The following STK10 variants were observed in gnomAD, a reference collection of about 807,000 sequenced individuals.
STK10 encodes serine/threonine kinase 10.
A neutral mutation model predicts 113.8 loss-of-function variants in STK10; 78 were observed. That is an observed-to-expected ratio of 0.69 (90% CI 0.57 to 0.83). The LOEUF (loss-of-function observed/expected upper bound fraction) is 0.83, where lower values mean the gene tolerates loss of function less well. Among genes scored for constraint, STK10 ranks in the 40% least tolerant of loss-of-function variants. STK10 has a pLI of 0.00. For synonymous variants in STK10, 465 were observed against 494.7 expected, an observed-to-expected ratio of 0.94 and a Z score of 0.80; for missense variants, 1,109 against 1,280.1, an observed-to-expected ratio of 0.87 and a Z score of 2.04.
chr5:172,057,186 C>T (rs1767824796), intron 15 of STK10, 163 bp downstream of exon 15: 8 of 987,236 alleles, frequency 8.1e-6, no homozygotes, highest in Admixed American at 4.9e-5. Flanking sequence ...CAGGACGCCC[C>T]TGGAGAACCT....
Position 172,133,414 on chromosome 5 carries a change from G to A in STK10, c.322-5993C>T, listed in dbSNP as rs930252394. On this transcript the variant is annotated intron_variant, in intron 2 of 18. Coordinates refer to ENST00000176763, the MANE Select transcript of STK10 (RefSeq NM_005990.4). This position sits in a 1 kb window ranked among gnomAD's most constrained non-coding sequence, Gnocchi z 4.9. ...ATACACCATGTCTTCCTTCCCCTTTGTGAAATAGCCATGAGAACTGGGTAG... is the reference window on the plus strand; with the variant it reads ...ATACACCATGTCTTCCTTCCCCTTTATGAAATAGCCATGAGAACTGGGTAG... Among the ~76,000 whole-genome samples the A allele has an allele frequency of 6.6e-6, 1 of 152,152 alleles. No individual in the cohort carries two copies. The highest frequency in any genetic ancestry group is 1.5e-5 in the Non-Finnish European group (1 of 68,032).
intron 1 of STK10, among the ~76,000 whole-genome samples, chr5:172,177,671 T>C (rs1278941336): frequency 6.6e-6 from 1 of 152,256 alleles, no homozygotes; most frequent in Admixed American, 6.5e-5. Context: ...TATTACATGC[T>C]GAAGTGATAA....
Position 172,082,696 on chromosome 5 carries a change from G to A in STK10, c.1810-191C>T, listed in dbSNP as rs917285074. Among the ~76,000 whole-genome samples, 6 of 152,214 alleles carry A rather than the reference G, an allele frequency of 3.9e-5. No individual in the cohort carries two copies. Among genetic ancestry groups the A allele is most frequent in the African/African-American group, 1.2e-4 (5 of 41,504 alleles). ...GTCTCCATTTCCTCATCTGCAAAAG[G>A]GAGACCAGACCATGTGTTGTTGCAC... On this transcript the variant is annotated intron_variant, in intron 11 of 18. Transcript: ENST00000176763. The surrounding 1 kb of genome is among the most constrained non-coding windows in gnomAD (Gnocchi z 4.3).
intron 13 of STK10, among the ~76,000 whole-genome samples, chr5:172,062,851 G>A (rs749675629): frequency 6.6e-6 from 1 of 152,190 alleles, no homozygotes; most frequent in Admixed American, 6.5e-5. Flanking sequence ...TAGGCTTAAC[G>A]CCACTACACT....
chr5:172,170,762 C>T (rs1249833786), intron 1 of STK10, among the ~76,000 whole-genome samples: 1 of 152,228 alleles, frequency 6.6e-6, no homozygotes, highest in Non-Finnish European at 1.5e-5. Flanking sequence ...CTCTCCAAAA[C>T]CAATGGGGAA....
intron 18 of STK10, among the ~76,000 whole-genome samples, chr5:172,048,329 C>A (rs965955047): frequency 2.0e-5 from 3 of 151,596 alleles, no homozygotes; most frequent in African/African-American, 4.9e-5. Flanking sequence ...GCTGACCTGT[C>A]CTGCAGATTT....
intron 2 of STK10, among the ~76,000 whole-genome samples, chr5:172,146,477 C>G (rs1313491809): frequency 6.6e-6 from 1 of 152,218 alleles, no homozygotes; most frequent in Non-Finnish European, 1.5e-5. Flanking sequence ...AGCCCCACAG[C>G]CCCCTCTACC....
At chr5:172,139,619 A>C (rs530524962) in intron 2 of STK10, among the ~76,000 whole-genome samples, 1 of 152,300 alleles carries the variant, frequency 6.6e-6, no homozygotes, top group South Asian at 2.1e-4. Context: ...CTTTTTGATA[A>C]ATGGAGCTGG....
At position 172,042,628 on chromosome 5, in the gene STK10, C is replaced by T. The variant is rs1378217059; in HGVS notation, c.*2254G>A. The stretch of plus-strand genomic sequence containing the variant: ...CCAACGCTGGCCTGGCCTGGTAGAA[C>T]TGGGTCTATGTTCTGCAGTTACACT... On this transcript the variant is annotated 3_prime_UTR_variant, in exon 19 of 19. Transcript: ENST00000176763. The T allele has an allele frequency of 6.6e-6, 1 of 152,254 alleles. No individual in the cohort carries two copies. Among genetic ancestry groups the T allele is most frequent in the African/African-American group, 2.4e-5 (1 of 41,460 alleles). The allele number at this position is 152,254 out of a possible 1,614,324, so 9.4% of individuals were successfully genotyped here.
chr5:172,173,134 G>A (rs571259332), intron 1 of STK10, among the ~76,000 whole-genome samples: 17 of 152,198 alleles, frequency 1.1e-4, no homozygotes, highest in South Asian at 2.1e-4. Flanking sequence ...TAACAGAGGC[G>A]CCCCAGTCAC....
chr5:172,089,758 T>C (rs1179272798), intron 10 of STK10, among the ~76,000 whole-genome samples: 2 of 150,876 alleles, frequency 1.3e-5, no homozygotes, highest in East Asian at 1.9e-4. Context: ...AGTGGATGAA[T>C]GGATGGATGA....
chr5:172,184,702 A>G (rs1402682866), intron 1 of STK10, among the ~76,000 whole-genome samples: 2 of 152,124 alleles, frequency 1.3e-5, no homozygotes, highest in African/African-American at 4.8e-5. Flanking sequence ...CCCAGACTCG[A>G]GTGCAGCGGC....
At chr5:172,179,620 C>CG (rs1160687854) in intron 1 of STK10, among the ~76,000 whole-genome samples, 1 of 104,190 alleles carries the variant, frequency 9.6e-6, no homozygotes. Context: ...CACGCAGAAG[C>CG]CGAAGGGCGT....
At position 172,116,649 on chromosome 5, in the gene STK10, C is replaced by T. The variant is rs146208954; in HGVS notation, c.520+832G>A. On this transcript the variant is annotated intron_variant, in intron 4 of 18. Transcript: ENST00000176763. The stretch of plus-strand genomic sequence containing the variant: ...TTGGGAGGCCGAGGCGGGTGGTTCA[C>T]TTGTGGTCAGGAACTCGAGACCAGC... Among the ~76,000 whole-genome samples, 49 of 151,872 alleles carry T rather than the reference C, an allele frequency of 3.2e-4. 1 individual carries two copies. Among genetic ancestry groups the T allele is most frequent in the African/African-American group, 1.1e-3 (47 of 41,434 alleles).
At chr5:172,128,414 T>TTG (rs1461745587) in intron 2 of STK10, among the ~76,000 whole-genome samples, 7 of 149,654 alleles carry the variant, frequency 4.7e-5, no homozygotes, top group Non-Finnish European at 8.9e-5. Flanking sequence ...CAATCTTGGC[T>TTG]CCATCTCTGG....
intron 2 of STK10, among the ~76,000 whole-genome samples, chr5:172,139,165 T>C (rs1169054187): frequency 6.6e-6 from 1 of 152,222 alleles, no homozygotes; most frequent in Non-Finnish European, 1.5e-5. Context: ...CCTGATGGCA[T>C]CTTTTACAGA....
chr5:172,055,014 T>G (rs1016417771), intron 16 of STK10, among the ~76,000 whole-genome samples: 5 of 152,160 alleles, frequency 3.3e-5, no homozygotes, highest in African/African-American at 1.2e-4. Flanking sequence ...GTGGGGAAGC[T>G]GGCCAAATAA....
In STK10 at chr5:172,094,164, A is replaced by G. The variant is rs140572689; in HGVS notation, c.1006-204T>C. On this transcript the variant is annotated intron_variant, in intron 8 of 18. Transcript: ENST00000176763. Reference sequence around the variant, plus strand: ...TTACTACTTATTTTGAGGCATGGCAATCTCCTCACTATCTCTAATCTCAGC... The same window carrying G: ...TTACTACTTATTTTGAGGCATGGCAGTCTCCTCACTATCTCTAATCTCAGC... Among the ~76,000 whole-genome samples the G allele has an allele frequency of 4.6e-5, 7 of 152,058 alleles. No homozygotes were observed. In the East Asian group the frequency reaches 9.7e-4, roughly 21 times the overall value.
intron 12 of STK10, among the ~76,000 whole-genome samples, chr5:172,066,479 T>C (rs1581138250): frequency 6.6e-6 from 1 of 152,112 alleles, no homozygotes; most frequent in Non-Finnish European, 1.5e-5. Context: ...GAGTATGGGA[T>C]GAATCCCAAA....
Sources: gnomAD v4.1 joint callset for allele counts (sites outside exome capture counted in the v4.1 genomes callset) on GRCh38, gnomAD v4.1.1 for gene constraint, Gnocchi (gnomAD v3.1) non-coding constraint, MANE v1.5 for transcripts, NCBI Gene and HGNC (gene_info 2026-07-23, HGNC 2026-07-21) for gene names.